Variants in LINS1 observed in about 807,000 individuals in gnomAD.
The protein encoded by LINS1 is lines homolog 1, also known as protein Lines homolog 1.
LINS1 carries 27 observed loss-of-function variants against 41.6 expected under a neutral mutation model. The ratio of observed to expected loss-of-function variants is 0.65; its 90% confidence interval spans 0.48 to 0.89. The LOEUF (loss-of-function observed/expected upper bound fraction) is 0.89, where lower values mean the gene tolerates loss of function less well. LINS1 is among the 40% of genes least tolerant of loss of function. LINS1 has a pLI of 0.00. For synonymous variants in LINS1, 336 were observed against 312.9 expected, an observed-to-expected ratio of 1.07 and a Z score of -0.78; for missense variants, 955 against 884.1, an observed-to-expected ratio of 1.08 and a Z score of -1.02.
At chr15:100,595,547 C>G (rs974865780) in intron 1 of LINS1, among the ~76,000 whole-genome samples, 1 of 152,178 alleles carries the variant, frequency 6.6e-6, no homozygotes, top group South Asian at 2.1e-4. Flanking sequence ...CTAGATCTCT[C>G]CTACACTGCT....
At chr15:100,601,772 G>C (rs1279260937) in intron 1 of LINS1, among the ~76,000 whole-genome samples, 1 of 151,986 alleles carries the variant, frequency 6.6e-6, no homozygotes, top group African/African-American at 2.4e-5. Flanking sequence ...AGTCTATCTC[G>C]CGTTTTCCCC....
chr15:100,594,862 T>C (rs966614092), intron 1 of LINS1, among the ~76,000 whole-genome samples: 5 of 152,168 alleles, frequency 3.3e-5, no homozygotes, highest in African/African-American at 1.2e-4. Flanking sequence ...CCTACTGGAA[T>C]GGAATCCGTG....
intron 3 of LINS1, among the ~76,000 whole-genome samples, chr15:100,580,004 CTTA>C (rs2038438616): frequency 6.6e-6 from 1 of 152,074 alleles, no homozygotes; most frequent in South Asian, 2.1e-4. Flanking sequence ...GAGCAAATGT[CTTA>C]TTAATACAAA....
At position 100,575,038 on chromosome 15, in the gene LINS1, G is replaced by C. The variant is rs768342757; in HGVS notation, c.580C>G (p.Leu194Val). The C allele has an allele frequency of 6.2e-7, 1 of 1,612,932 alleles. No homozygotes were observed. The highest frequency in any genetic ancestry group is 8.5e-7 in the Non-Finnish European group (1 of 1,179,538). Residue 194 changes from leucine to valine, a missense_variant, in exon 4 of 7, where the codon CTT becomes GTT. Coordinates refer to ENST00000314742, the MANE Select transcript of LINS1 (RefSeq NM_001040616.3). ...AAGATTTCTTTTATTATTGCTGTAA[G>C]AGTCCAGAGGCAGTATATTGCTTTA... ...SNKAIYCLWT[L>V]TAIIKEIFKD...
Position 100,580,447 on chromosome 15 carries a change from T to C in LINS1, c.396A>G (p.Lys132=). The change falls in exon 2 of 7, where the codon AAA becomes AAG. Residue 132 remains lysine (K), a synonymous_variant. Transcript: ENST00000314742. ...TTTAGAAAAACAAATGGCTTACTAA[T>C]TTAGAATCGACTTTGGCTGATTCTA... The part of the protein sequence containing the change: ...ILLESAKVDS[K]LICMFQNSDK... The C allele has an allele frequency of 6.2e-7, 1 of 1,613,648 alleles. No individual in the cohort carries two copies. The highest frequency in any genetic ancestry group is 8.5e-7 in the Non-Finnish European group (1 of 1,179,622).
At chr15:100,588,051 T>C (rs894429964) in intron 1 of LINS1, among the ~76,000 whole-genome samples, 1 of 152,254 alleles carries the variant, frequency 6.6e-6, no homozygotes, top group Non-Finnish European at 1.5e-5. Context: ...AAGGTAAATG[T>C]CACTGTTTAT....
rs754985042 is a variant in LINS1, at chr15:100,570,112, C to T, written c.1400G>A (p.Cys467Tyr). The T allele has an allele frequency of 3.2e-6, 5 of 1,585,970 alleles. No individual in the cohort carries two copies. The highest frequency in any genetic ancestry group is 4.3e-6 in the Non-Finnish European group (5 of 1,173,808). The change falls in exon 7 of 7, where the codon TGT (cysteine) becomes TAT (tyrosine). Residue 467 changes from cysteine (C) to tyrosine (Y), a missense_variant. Coordinates refer to ENST00000314742, the MANE Select transcript of LINS1 (RefSeq NM_001040616.3). ...LGIYLTLTRG[C>Y]EATESLTQGK... ...CTGAGTCAAGCTTTCAGTGGCTTCA[C>T]ATCCTCTGAAAATGAAGATAATGGA...
intron 1 of LINS1, among the ~76,000 whole-genome samples, chr15:100,601,905 G>A (rs535230221): frequency 3.6e-4 from 55 of 152,288 alleles, no homozygotes; most frequent in Non-Finnish European, 4.9e-4. Context: ...GGCATTGCCA[G>A]CCTGGAAGCT....
intron 1 of LINS1, among the ~76,000 whole-genome samples, chr15:100,584,030 G>T (rs1479417206): frequency 6.9e-6 from 1 of 144,888 alleles, no homozygotes; most frequent in African/African-American, 2.6e-5. Flanking sequence ...TATTGCAACT[G>T]CCTGAACAAA....
At chr15:100,593,036 A>G (rs1459432518) in intron 1 of LINS1, among the ~76,000 whole-genome samples, 4 of 152,188 alleles carry the variant, frequency 2.6e-5, no homozygotes, top group Admixed American at 2.6e-4. Flanking sequence ...TTTTTTCTGA[A>G]GTGGATGCTC....
rs1042080262 is a variant in LINS1, at chr15:100,569,500, T to C, written c.2012A>G (p.Lys671Arg). 1 of 1,614,088 alleles carries C rather than the reference T, an allele frequency of 6.2e-7. No individual in the cohort carries two copies. Among genetic ancestry groups the C allele is most frequent in the African/African-American group, 1.3e-5 (1 of 74,928 alleles). ...TGATGGAGGCTCAAGGCTAAATTCTTTTTTATCCCTGCTTGTCCCAGCTGC... is the reference window on the plus strand; with the variant it reads ...TGATGGAGGCTCAAGGCTAAATTCTCTTTTATCCCTGCTTGTCCCAGCTGC... ...QDAAGTSRDKKEFSLEPPSRP... is the reference protein window; with the variant it reads ...QDAAGTSRDKREFSLEPPSRP... The change falls in exon 7 of 7, where the codon AAA becomes AGA. Residue 671 changes from lysine to arginine, a missense_variant. By Grantham distance (26) the Lys-to-Arg change is conservative (BLOSUM62 2). Coordinates refer to ENST00000314742, the MANE Select transcript of LINS1 (RefSeq NM_001040616.3).
rs753046177 is a variant in LINS1 at position 100,569,604 on chromosome 15, G to A, written c.1908C>T (p.Asp636=). The A allele has an allele frequency of 1.7e-5, 27 of 1,613,530 alleles. No homozygotes were observed. In the East Asian group the frequency reaches 2.9e-4, roughly 17 times the overall value. The part of the protein sequence containing the change: ...LVDYDSSDDS[D]VESTEQCLAN... The stretch of plus-strand genomic sequence containing the variant: ...CTAAACACTGCTCTGTGGATTCCAC[G>A]TCAGAATCGTCAGAGCTGTCGTAAT... The change falls in exon 7 of 7, where the codon GAC becomes GAT. Residue 636 remains aspartate (D), a synonymous_variant. Coordinates refer to ENST00000314742, the MANE Select transcript of LINS1 (RefSeq NM_001040616.3).
intron 1 of LINS1, among the ~76,000 whole-genome samples, chr15:100,588,509 C>A (rs2038906132): frequency 6.6e-6 from 1 of 152,134 alleles, no homozygotes; most frequent in South Asian, 2.1e-4. Flanking sequence ...GAAATAAAGA[C>A]AGTTTTTAAA....
chr15:100,578,421 A>G (rs1173944509), intron 3 of LINS1, among the ~76,000 whole-genome samples: 1 of 152,074 alleles, frequency 6.6e-6, no homozygotes, highest in Admixed American at 6.6e-5. Context: ...GACACATGAA[A>G]AAATGCTCAT....
At chr15:100,577,345 C>T (rs1596906691) in intron 3 of LINS1, among the ~76,000 whole-genome samples, 1 of 152,298 alleles carries the variant, frequency 6.6e-6, no homozygotes, top group Non-Finnish European at 1.5e-5. Context: ...GATACAAAAT[C>T]AATGTGCAAA....
intron 1 of LINS1, among the ~76,000 whole-genome samples, chr15:100,590,537 A>C (rs897842659): frequency 1.3e-5 from 2 of 152,234 alleles, no homozygotes; most frequent in African/African-American, 4.8e-5. Flanking sequence ...ATTGCAAAAG[A>C]AGCAATGATT....
intron 1 of LINS1, among the ~76,000 whole-genome samples, chr15:100,590,312 A>G (rs2038977255): frequency 1.3e-5 from 2 of 152,244 alleles, no homozygotes; most frequent in African/African-American, 2.4e-5. Context: ...CCAGCCTCGT[A>G]TATGAATAAC....
intron 1 of LINS1, among the ~76,000 whole-genome samples, chr15:100,581,405 G>A (rs2141312737): frequency 6.6e-6 from 1 of 152,194 alleles, no homozygotes; most frequent in Middle Eastern, 3.4e-3. Flanking sequence ...ATGTCCCCTG[G>A]GGGACAAAAT....
At chr15:100,587,157 T>TAAAAAAA (rs56781451) in intron 1 of LINS1, among the ~76,000 whole-genome samples, 5 of 68,264 alleles carry the variant, frequency 7.3e-5, no homozygotes, top group Admixed American at 1.8e-4. Flanking sequence ...GACTCTGTCT[T>TAAAAAAA]AAAAAAAAAA....
Sources: gnomAD v4.1 joint callset for allele counts (sites outside exome capture counted in the v4.1 genomes callset) on GRCh38, gnomAD v4.1.1 for gene constraint, MANE v1.5 for transcripts, NCBI Gene and HGNC (gene_info 2026-07-23, HGNC 2026-07-21) for gene names.